The following DOP1B variants were observed in gnomAD, a reference collection of about 807,000 sequenced individuals.
DOP1B encodes DOP1 leucine zipper like protein B.
In DOP1B, 174 loss-of-function variants were observed where a neutral mutation model predicts 233.5. The ratio of observed to expected loss-of-function variants is 0.75; its 90% CI spans 0.66 to 0.85. The LOEUF is 0.85. Among genes scored for constraint, DOP1B ranks in the 40% least tolerant of loss-of-function variants. The pLI is 0.00. For synonymous variants in DOP1B, 1,190 were observed against 1,185.6 expected, an observed-to-expected ratio of 1.00 and a Z score of -0.08; for missense variants, 2,652 against 2,846.6, an observed-to-expected ratio of 0.93 and a Z score of 1.56.
At chr21:36,192,574 G>A (rs990077392) in intron 2 of DOP1B, among the ~76,000 whole-genome samples, 4 of 151,652 alleles carry the variant, frequency 2.6e-5, no homozygotes, top group African/African-American at 7.3e-5. Context: ...AGTAGAGGCC[G>A]GTTTTTGCCA....
chr21:36,207,561 C>T (rs548807773), intron 4 of DOP1B, among the ~76,000 whole-genome samples: 6 of 144,422 alleles, frequency 4.2e-5, no homozygotes, highest in South Asian at 2.2e-4. Context: ...TCCACGAGGT[C>T]GAGGCTCCTT....
intron 4 of DOP1B, among the ~76,000 whole-genome samples, chr21:36,201,700 AT>A (rs1298726088): frequency 6.6e-6 from 1 of 152,168 alleles, no homozygotes; most frequent in Non-Finnish European, 1.5e-5. Flanking sequence ...CTGCTTCTAA[AT>A]TAAAAAGCAA....
At chr21:36,206,856 A>G (rs1014248055) in intron 4 of DOP1B, among the ~76,000 whole-genome samples, 4 of 152,220 alleles carry the variant, frequency 2.6e-5, no homozygotes, top group African/African-American at 9.6e-5. Context: ...TACTTCTTCT[A>G]TACACTTAGC....
chr21:36,261,090 C>T (rs770588718), intron 24 of DOP1B: 79 of 1,012,084 alleles, frequency 7.8e-5, no homozygotes, highest in Admixed American at 2.3e-4. Context: ...ATGGGCCAGG[C>T]GCGGTGGCTC....
intron 36 of DOP1B, 147 bp downstream of exon 36, chr21:36,292,380 C>T (rs953349462): frequency 3.1e-6 from 2 of 637,148 alleles, no homozygotes; most frequent in East Asian, 3.0e-5. Context: ...CCTCAGCTTC[C>T]GGAGTAGCTG....
intron 11 of DOP1B, 61 bp downstream of exon 11, chr21:36,223,411 G>C: frequency 6.4e-7 from 1 of 1,569,054 alleles, no homozygotes; most frequent in Non-Finnish European, 8.6e-7. Context: ...TAATAATTTT[G>C]TAGCTGCTTA....
chr21:36,232,026 A>G (rs1013941827), intron 14 of DOP1B, among the ~76,000 whole-genome samples: 4 of 151,992 alleles, frequency 2.6e-5, no homozygotes, highest in Admixed American at 2.0e-4. Flanking sequence ...TTGTATTTTT[A>G]GTAGAGACAG....
rs569642640 is a variant in DOP1B, at chr21:36,227,366, T to C, written c.1474-320T>C. ...ATCGAGACCATCCTGGCTAACACGG[T>C]GAAACCCCATCTCTACTAAACATAC... On this transcript the variant is annotated intron_variant, in intron 12 of 36. Transcript: ENST00000691173. Among the ~76,000 whole-genome samples, 8 of 151,076 alleles carry C rather than the reference T, an allele frequency of 5.3e-5. No homozygotes were observed. In the South Asian group the frequency reaches 6.3e-4, roughly 12 times the overall value.
chr21:36,208,100 C>T (rs948058632), intron 4 of DOP1B, among the ~76,000 whole-genome samples: 10 of 152,160 alleles, frequency 6.6e-5, no homozygotes, highest in Admixed American at 1.3e-4. Context: ...CCCCTGGGAG[C>T]GGGAGTCAGC....
chr21:36,211,923 G>A (rs1420551014), intron 6 of DOP1B, 51 bp from the exon 7 acceptor site: 2 of 1,612,664 alleles, frequency 1.2e-6, no homozygotes, highest in East Asian at 2.2e-5. Context: ...CAAAAAGTCA[G>A]CAATCTGCCC....
chr21:36,178,849 A>G (rs138943980), intron 2 of DOP1B, among the ~76,000 whole-genome samples: 1 of 152,344 alleles, frequency 6.6e-6, no homozygotes, highest in Non-Finnish European at 1.5e-5. Context: ...TTAGAAGTGT[A>G]TAATTTAAAG....
At chr21:36,277,389 T>A (rs1424395834) in intron 28 of DOP1B, among the ~76,000 whole-genome samples, 3 of 151,906 alleles carry the variant, frequency 2.0e-5, no homozygotes, top group African/African-American at 7.3e-5. Flanking sequence ...TTCAAGCGAT[T>A]CCGCTGCCTC....
chr21:36,186,985 G>A (rs990628696), intron 2 of DOP1B, among the ~76,000 whole-genome samples: 2 of 152,022 alleles, frequency 1.3e-5, no homozygotes. Context: ...CTCGACCGGC[G>A]GCCAGCAAAA....
intron 4 of DOP1B, among the ~76,000 whole-genome samples, chr21:36,207,506 T>G (rs566904867): frequency 1.4e-4 from 21 of 145,104 alleles, no homozygotes; most frequent in South Asian, 8.5e-4. Flanking sequence ...TTTGTTTTTT[T>G]TTTTTTTTTT....
chr21:36,270,924 AAAG>A lies in DOP1B; in HGVS notation c.5632+770_5632+772del, dbSNP rs1210903074. Among the ~76,000 whole-genome samples the A allele has an allele frequency of 2.7e-4, 40 of 150,938 alleles. 1 individual carries two copies. Among genetic ancestry groups the A allele is most frequent in the East Asian group, 9.7e-4 (5 of 5,148 alleles). ...TGAGACTACACCTCAAAAAAAAAAA[AAAG>A]AAAGAAAGAAAGTACCTGAGGTGAT... is the stretch of plus-strand genomic sequence containing the variant. On this transcript the variant is annotated intron_variant, in intron 27 of 36. Coordinates refer to ENST00000691173, the MANE Select transcript of DOP1B (RefSeq NM_001320714.2).
At position 36,278,083 on chromosome 21, in the gene DOP1B, AG is replaced by A. The variant is rs1208660024; in HGVS notation, c.5822+1del. The A allele has an allele frequency of 6.2e-7, 1 of 1,613,524 alleles. No individual in the cohort carries two copies. Among genetic ancestry groups the A allele is most frequent in the South Asian group, 1.1e-5 (1 of 91,076 alleles). ...YYVFPYLRNHSAYNAPSFRAG... is the reference protein window; with the variant it reads ...YYVFPYLRNHXAYNAPSFRAG... ...TGTTTTTCCATACTTACGCAACCAC[AG>A]GTAACGTCATCTTCGCCATTTCTTC... On this transcript the variant is annotated frameshift_variant and splice_region_variant, in exon 29 of 37. Coordinates refer to ENST00000691173, the MANE Select transcript of DOP1B (RefSeq NM_001320714.2). LOFTEE classifies it high-confidence loss of function.
In DOP1B at chr21:36,156,895, C is replaced by T. The variant is rs529369216; in HGVS notation, c.-75C>T. 358 of 152,434 alleles carry T rather than the reference C, an allele frequency of 2.3e-3. No individual in the cohort carries two copies. Among genetic ancestry groups the T allele is most frequent in the Non-Finnish European group, 3.9e-3 (267 of 68,130 alleles). 9.4% of individuals were successfully genotyped at this position (152,434 alleles called of 1,614,324 possible). A position where few individuals can be genotyped will look rare whatever the true frequency, so the allele number is the denominator to read the frequency against. Reference sequence around the variant, plus strand: ...AGTCTCTCTCCCCCAGCCCGGAGGGCTCCTCCGCGCCGCACGTGAGCGCGC... The same window carrying T: ...AGTCTCTCTCCCCCAGCCCGGAGGGTTCCTCCGCGCCGCACGTGAGCGCGC... On this transcript the variant is annotated 5_prime_UTR_variant, in exon 1 of 37. Transcript: ENST00000691173.
intron 21 of DOP1B, among the ~76,000 whole-genome samples, chr21:36,249,899 G>T (rs765500426): frequency 6.6e-6 from 1 of 152,112 alleles, no homozygotes; most frequent in Non-Finnish European, 1.5e-5. Flanking sequence ...TGTATTTCAA[G>T]CTCCTATAAG....
intron 2 of DOP1B, among the ~76,000 whole-genome samples, chr21:36,184,068 A>T (rs1467481972): frequency 4.7e-5 from 7 of 149,632 alleles, no homozygotes; most frequent in Non-Finnish European, 1.0e-4. Flanking sequence ...TCTTTTTTTG[A>T]GACAGAGTCA....
Sources: allele counts gnomAD v4.1 joint callset (sites outside exome capture counted in the v4.1 genomes callset), GRCh38; gene constraint gnomAD v4.1.1; transcripts MANE v1.5; gene names NCBI Gene and HGNC (gene_info 2026-07-23, HGNC 2026-07-21).